Variants in ITPR2 observed in about 807,000 individuals in gnomAD.
ITPR2 encodes inositol 1,4,5-trisphosphate receptor type 2.
ITPR2 carries 207 observed loss-of-function variants against 317.1 expected under a neutral mutation model. The observed-to-expected ratio is 0.65, with a 90% CI of 0.58 to 0.73. The LOEUF (loss-of-function observed/expected upper bound fraction) is 0.73. Ranked by LOEUF, ITPR2 falls within the 30% of genes least tolerant of loss-of-function variation. ITPR2 has a pLI of 0.00. For missense variants in ITPR2, 2,613 were observed against 3,284.0 expected (o/e 0.80, Z 4.99); for synonymous variants, 1,156 against 1,149.1 (o/e 1.01, Z -0.12).
At chr12:26,613,714 C>G (rs913750926) in intron 26 of ITPR2, among the ~76,000 whole-genome samples, 2 of 152,092 alleles carry the variant, frequency 1.3e-5, no homozygotes, top group African/African-American at 4.8e-5. Flanking sequence ...ACATGGCCCA[C>G]AGAAGAGCAA....
chr12:26,571,988 C>T (rs1945173846), intron 34 of ITPR2, among the ~76,000 whole-genome samples: 1 of 152,196 alleles, frequency 6.6e-6, no homozygotes, highest in African/African-American at 2.4e-5. Context: ...TTGATCTTTA[C>T]ATTGACAGCA....
intron 1 of ITPR2, among the ~76,000 whole-genome samples, chr12:26,812,033 C>A (rs2137268558): frequency 6.9e-6 from 1 of 145,876 alleles, no homozygotes; most frequent in East Asian, 2.1e-4. Flanking sequence ...CATGGTGGCA[C>A]ACACCTGTAG....
At chr12:26,414,431 T>C (rs1407671378) in intron 51 of ITPR2, among the ~76,000 whole-genome samples, 5 of 152,042 alleles carry the variant, frequency 3.3e-5, no homozygotes, top group Non-Finnish European at 4.4e-5. Flanking sequence ...CATTTAACGG[T>C]TTGAGGAGAA....
chr12:26,597,589 T>C (rs1322209715), intron 30 of ITPR2, among the ~76,000 whole-genome samples: 3 of 152,016 alleles, frequency 2.0e-5, no homozygotes, highest in Non-Finnish European at 2.9e-5. Context: ...TCTACAAAAG[T>C]CTACAAAATT....
chr12:26,717,813 A>G (rs1948767617), intron 5 of ITPR2, among the ~76,000 whole-genome samples: 1 of 152,232 alleles, frequency 6.6e-6, no homozygotes, highest in South Asian at 2.1e-4. Context: ...CTATCTTTGA[A>G]CCATGAATTG....
chr12:26,662,946 C>T (rs925924358), intron 15 of ITPR2, among the ~76,000 whole-genome samples: 7 of 152,110 alleles, frequency 4.6e-5, no homozygotes, highest in Admixed American at 4.6e-4. Flanking sequence ...GTTGGGATTA[C>T]AGGCTTGAGC....
intron 49 of ITPR2, among the ~76,000 whole-genome samples, chr12:26,425,050 T>C (rs1424136944): frequency 6.6e-6 from 1 of 152,042 alleles, no homozygotes; most frequent in Non-Finnish European, 1.5e-5. Flanking sequence ...CATCAGTCAC[T>C]GCACCCAGCA....
intron 26 of ITPR2, among the ~76,000 whole-genome samples, chr12:26,618,265 A>C (rs934323397): frequency 3.9e-5 from 6 of 152,204 alleles, no homozygotes; most frequent in African/African-American, 7.2e-5. Context: ...AAGAAAAAAA[A>C]GAAATAAAAT....
At chr12:26,588,063 A>T (rs1236301495) in intron 32 of ITPR2, among the ~76,000 whole-genome samples, 2 of 152,226 alleles carry the variant, frequency 1.3e-5, no homozygotes, top group Non-Finnish European at 2.9e-5. Context: ...CCATTTATAG[A>T]GATGCTACAG....
chr12:26,375,779 G>A (rs948219348), intron 55 of ITPR2, among the ~76,000 whole-genome samples: 2 of 152,132 alleles, frequency 1.3e-5, no homozygotes, highest in Non-Finnish European at 1.5e-5. Flanking sequence ...AATCTTTACT[G>A]AGTATCTAAT....
chr12:26,655,337 G>A lies in ITPR2; in HGVS notation c.2589+371C>T, dbSNP rs530852412. 5.9e-5 allele frequency among the ~76,000 whole-genome samples: 9 copies of A among 152,224 alleles called. No homozygotes were observed. The East Asian group carries it at 1.5e-3, about 26-fold the overall frequency. ...TCTTCTAAAAATGGCAGAGAAGGCC[G>A]GGGGTGGTGGCTCACACCTGTAATC... On this transcript the variant is annotated intron_variant, in intron 20 of 56. Transcript: ENST00000381340.
At chr12:26,593,813 G>T (rs1252988951) in intron 32 of ITPR2, among the ~76,000 whole-genome samples, 2 of 151,942 alleles carry the variant, frequency 1.3e-5, no homozygotes, top group African/African-American at 2.4e-5. Flanking sequence ...GGTGAAAACG[G>T]TATTTCTCAG....
At chr12:26,485,328 G>T (rs1942641333) in intron 41 of ITPR2, among the ~76,000 whole-genome samples, 1 of 151,924 alleles carries the variant, frequency 6.6e-6, no homozygotes, top group African/African-American at 2.4e-5. Context: ...TTTCTATACT[G>T]ATCCCACACT....
chr12:26,768,998 C>CACACAT (rs1376983533), intron 2 of ITPR2, among the ~76,000 whole-genome samples: 1 of 144,674 alleles, frequency 6.9e-6, no homozygotes, highest in African/African-American at 2.8e-5. Flanking sequence ...CAGTAGAACA[C>CACACAT]ACACACACAC....
At position 26,735,282 on chromosome 12, in the gene ITPR2, G is replaced by A. The variant is rs188213375; in HGVS notation, c.164-9517C>T. On this transcript the variant is annotated intron_variant, in intron 2 of 56. Coordinates refer to ENST00000381340, the MANE Select transcript of ITPR2 (RefSeq NM_002223.4). ...CTCCCAAAGTGCTGGGATTACAGAC[G>A]TGAGGTACTGTGCCTGGCCTAGCCA... Among the ~76,000 whole-genome samples the A allele has an allele frequency of 2.8e-3, 423 of 152,308 alleles. 2 individuals are homozygous for A. The highest frequency in any genetic ancestry group is 8.7e-3 in the African/African-American group (361 of 41,564).
intron 34 of ITPR2, among the ~76,000 whole-genome samples, chr12:26,574,651 A>T (rs1438928265): frequency 6.6e-6 from 1 of 152,156 alleles, no homozygotes; most frequent in African/African-American, 2.4e-5. Flanking sequence ...TGGATAATTG[A>T]TAAAGAAAAG....
intron 55 of ITPR2, among the ~76,000 whole-genome samples, chr12:26,350,628 T>C (rs1490849531): frequency 6.6e-6 from 1 of 151,950 alleles, no homozygotes; most frequent in Non-Finnish European, 1.5e-5. Flanking sequence ...TGAGCTTAGC[T>C]TTGTTCCTGT....
At chr12:26,452,347 C>T (rs1941762584) in intron 45 of ITPR2, among the ~76,000 whole-genome samples, 1 of 148,506 alleles carries the variant, frequency 6.7e-6, no homozygotes, top group African/African-American at 2.5e-5. Context: ...CATGTAGATA[C>T]TCTTAATAAC....
rs141990558 is a variant in ITPR2, at chr12:26,534,941, T to C, written c.5073+15306A>G. On this transcript the variant is annotated intron_variant, in intron 37 of 56. Transcript: ENST00000381340. ...TTCTTAAGGTTAAAAATTGTTTTAT[T>C]AAGAGAAATAAGTTCTGGTGTTCTA... is the stretch of plus-strand genomic sequence containing the variant. Among the ~76,000 whole-genome samples the C allele has an allele frequency of 4.1e-3, 630 of 152,294 alleles. 5 individuals carry two copies. Among genetic ancestry groups the C allele is most frequent in the Non-Finnish European group, 7.0e-3 (478 of 68,004 alleles).
Sources: allele counts gnomAD v4.1 joint callset (sites outside exome capture counted in the v4.1 genomes callset), GRCh38; gene constraint gnomAD v4.1.1; transcripts MANE v1.5; gene names NCBI Gene and HGNC (gene_info 2026-07-23, HGNC 2026-07-21).